GSDME: variants seen among roughly 807,000 people sequenced by gnomAD.
The protein encoded by GSDME is gasdermin-E.
In GSDME, 44 loss-of-function variants were observed where a neutral mutation model predicts 47.5. That is an observed-to-expected ratio of 0.93 (90% CI 0.73 to 1.19). GSDME has a LOEUF of 1.19. GSDME is among the 50% of genes most tolerant of loss of function. GSDME has a pLI of 0.00. For synonymous variants in GSDME, 258 were observed against 252.8 expected (o/e 1.02, Z -0.20); for missense variants, 663 against 604.2 (o/e 1.10, Z -1.02).
rs552126330 is a variant in GSDME at position 24,735,614 on chromosome 7, C to A, written c.404+8948G>T. Among the ~76,000 whole-genome samples, 1 of 151,976 alleles carries A rather than the reference C, an allele frequency of 6.6e-6. No homozygotes were observed. The highest frequency in any genetic ancestry group is 1.9e-4 in the East Asian group (1 of 5,170). ...TCTACTAAAAATACAAAAAAGTAGCCGGGCGTGGTGGTGGGCGCCTGTAAT... is the reference window on the plus strand; with the variant it reads ...TCTACTAAAAATACAAAAAAGTAGCAGGGCGTGGTGGTGGGCGCCTGTAAT... On this transcript the variant is annotated intron_variant, in intron 3 of 9. Coordinates refer to ENST00000645220, the MANE Select transcript of GSDME (RefSeq NM_001127453.2). This position sits in a 1 kb window ranked among gnomAD's most constrained non-coding sequence, Gnocchi z 4.4.
chr7:24,784,618 T>C, the GSDME span, among the ~76,000 whole-genome samples: 1 of 148,268 alleles, frequency 6.7e-6, no homozygotes, highest in African/African-American at 2.5e-5. Flanking sequence ...CTGCTTTTTT[T>C]CTTCTTCCTT....
At chr7:24,762,249 C>A (rs1359622743), upstream of GSDME, among the ~76,000 whole-genome samples, 886 of 131,018 alleles carry the variant, frequency 6.8e-3, no homozygotes, top group Middle Eastern at 7.7e-3. Context: ...AACTGTGTGT[C>A]AAAAAAAAAA....
In GSDME at chr7:24,728,251, A is replaced by G. The variant is rs562987938; in HGVS notation, c.405-9033T>C. Among the ~76,000 whole-genome samples, 15 of 152,312 alleles carry G rather than the reference A, an allele frequency of 9.8e-5. No homozygotes were observed. The East Asian group carries it at 2.9e-3, about 29-fold the overall frequency. ...ACCTTTTGTCTGCAATGTGGCTGCC[A>G]TTTAGGGACCAAGAGAACTTGAGCT... On this transcript the variant is annotated intron_variant, in intron 3 of 9. Coordinates refer to ENST00000645220, the MANE Select transcript of GSDME (RefSeq NM_001127453.2). This position sits in a 1 kb window ranked among gnomAD's most constrained non-coding sequence, Gnocchi z 7.2.
intron 3 of GSDME, among the ~76,000 whole-genome samples, chr7:24,737,158 GAACAGATATAAATT>G (rs1790332634): frequency 6.6e-6 from 1 of 151,740 alleles, no homozygotes; most frequent in South Asian, 2.1e-4. Context: ...ATAAAGATTA[GAACAGATATAAATT>G]AAAATGAGGA....
At chr7:24,707,280 G>C (rs1462116132) in intron 7 of GSDME, 1 of 468,712 alleles carries the variant, frequency 2.1e-6, no homozygotes, top group Admixed American at 2.4e-5. Flanking sequence ...AAACAAAACT[G>C]TAGTCAAAAT....
In GSDME at chr7:24,719,236, A is replaced by T; in HGVS notation, c.405-18T>A. The T allele has an allele frequency of 6.2e-7, 1 of 1,606,112 alleles. No individual in the cohort carries two copies. The highest frequency in any genetic ancestry group is 1.7e-4 in the Middle Eastern group (1 of 6,038). On this transcript the variant is annotated intron_variant, in intron 3 of 9. Coordinates refer to ENST00000645220, the MANE Select transcript of GSDME (RefSeq NM_001127453.2). Reference sequence around the variant, plus strand: ...TTATTGTTCTGAAAAAGAAAAACGGATGTGAGTGGCTTAGTGCCTCAGGGG... The same window carrying T: ...TTATTGTTCTGAAAAAGAAAAACGGTTGTGAGTGGCTTAGTGCCTCAGGGG...
chr7:24,710,669 ATAT>A (rs1281600269), intron 5 of GSDME: 6 of 408,716 alleles, frequency 1.5e-5, no homozygotes, highest in East Asian at 1.4e-4. Context: ...AACATTGGAA[ATAT>A]TATTTTATCC....
rs544114486 is a variant in GSDME at position 24,700,198 on chromosome 7, G to A, written c.1258-939C>T. 4.6e-5 allele frequency among the ~76,000 whole-genome samples: 7 copies of A among 152,210 alleles called. No individual in the cohort carries two copies. The South Asian group carries it at 1.5e-3, about 32-fold the overall frequency. ...ACCTTCCCTTATTTAACCCTAAGCT[G>A]CTCGTGAGAGCAGGGACCTTGTCTG... On this transcript the variant is annotated intron_variant, in intron 9 of 9. Transcript: ENST00000645220.
At chr7:24,706,528 A>C in intron 7 of GSDME, 152 bp from the exon 8 acceptor site, 1 of 759,618 alleles carries the variant, frequency 1.3e-6, no homozygotes, top group South Asian at 1.8e-5. Context: ...TGAAATTGCT[A>C]ATCCTTGGTG....
At chr7:24,737,760 C>T (rs1790355931) in intron 3 of GSDME, among the ~76,000 whole-genome samples, 1 of 151,394 alleles carries the variant, frequency 6.6e-6, no homozygotes, top group South Asian at 2.1e-4. Flanking sequence ...AAAATGAATT[C>T]CACAATACAT....
At chr7:24,718,112 G>A (rs754146740) in intron 4 of GSDME, among the ~76,000 whole-genome samples, 3 of 152,234 alleles carry the variant, frequency 2.0e-5, no homozygotes, top group Non-Finnish European at 4.4e-5. Flanking sequence ...GGCAGGAAGT[G>A]ACTGTGGCAG....
chr7:24,700,694 C>T (rs1039924721), intron 9 of GSDME, among the ~76,000 whole-genome samples: 9 of 152,184 alleles, frequency 5.9e-5, no homozygotes, highest in African/African-American at 2.2e-4. Flanking sequence ...AATGTAACCA[C>T]AGGCTTAACG....
chr7:24,753,879 T>G (rs1315806956), intron 1 of GSDME, among the ~76,000 whole-genome samples: 1 of 152,216 alleles, frequency 6.6e-6, no homozygotes, highest in Non-Finnish European at 1.5e-5. Context: ...GAGTTTATCA[T>G]GCAGCATTAG....
At chr7:24,753,145 G>A (rs1790909865) in intron 1 of GSDME, among the ~76,000 whole-genome samples, 1 of 152,170 alleles carries the variant, frequency 6.6e-6, no homozygotes, top group Non-Finnish European at 1.5e-5. Context: ...TCCTGGTGAA[G>A]TTAAAGTTGG....
rs137922595 is a variant in GSDME at position 24,741,966 on chromosome 7, T to C, written c.404+2596A>G. ...AGGTGATTCTGTGATAAAACTCCTC[T>C]TTGGGTTCTAGTCCTTGTATTTATT... On this transcript the variant is annotated intron_variant, in intron 3 of 9. Transcript: ENST00000645220. 2.1e-3 allele frequency among the ~76,000 whole-genome samples: 326 copies of C among 152,206 alleles called. 1 individual carries two copies. The highest frequency in any genetic ancestry group is 7.6e-3 in the African/African-American group (316 of 41,546).
intron 2 of GSDME, 32 bp downstream of exon 2, chr7:24,749,532 A>C: frequency 1.3e-6 from 2 of 1,494,450 alleles, no homozygotes; most frequent in Non-Finnish European, 1.9e-6. Context: ...CCTTTCCGAG[A>C]CTAATTATAG....
rs764601777 is a variant in GSDME, at chr7:24,721,014, G to C, written c.405-1796C>G. Reference sequence around the variant, plus strand: ...TCCAGGGACAAATGAGCAATATTGTGTGGTTCCTCATATGAAATATCTGGA... The same window carrying C: ...TCCAGGGACAAATGAGCAATATTGTCTGGTTCCTCATATGAAATATCTGGA... On this transcript the variant is annotated intron_variant, in intron 3 of 9. Coordinates refer to ENST00000645220, the MANE Select transcript of GSDME (RefSeq NM_001127453.2). The surrounding 1 kb of genome is among the most constrained non-coding windows in gnomAD (Gnocchi z 4.1). 2.0e-5 allele frequency among the ~76,000 whole-genome samples: 3 copies of C among 152,188 alleles called. No individual in the cohort carries two copies. The highest frequency in any genetic ancestry group is 6.5e-5 in the Admixed American group (1 of 15,280).
At chr7:24,761,236 C>T (rs1584119514), upstream of GSDME, among the ~76,000 whole-genome samples, 1 of 152,282 alleles carries the variant, frequency 6.6e-6, no homozygotes, top group East Asian at 1.9e-4. The surrounding 1 kb of genome is among the most constrained non-coding windows in gnomAD (Gnocchi z 4.4). Flanking sequence ...TTGGAGGGTC[C>T]TGGATAACTT....
chr7:24,790,358 T>C, the GSDME span, among the ~76,000 whole-genome samples: 1 of 152,238 alleles, frequency 6.6e-6, no homozygotes, highest in Non-Finnish European at 1.5e-5. The surrounding 1 kb of genome is among the most constrained non-coding windows in gnomAD (Gnocchi z 4.1). Flanking sequence ...CATAGTATTG[T>C]ATGATTCTCT....
Sources: gnomAD v4.1 joint callset for allele counts (sites outside exome capture counted in the v4.1 genomes callset) on GRCh38, gnomAD v4.1.1 for gene constraint, Gnocchi (gnomAD v3.1) non-coding constraint, MANE v1.5 for transcripts, NCBI Gene and HGNC (gene_info 2026-07-23, HGNC 2026-07-21) for gene names.